Variants in SIK3 observed in about 807,000 individuals in gnomAD.
SIK3 encodes serine/threonine-protein kinase SIK3.
SIK3 carries 28 observed loss-of-function variants against 144.2 expected under a neutral mutation model. That is an observed-to-expected ratio of 0.19 (90% CI 0.14 to 0.27). SIK3 has a LOEUF of 0.27. SIK3 is among the 10% of genes least tolerant of loss of function. The pLI, the probability that SIK3 is intolerant of heterozygous loss-of-function variation, is 1.00. For missense variants in SIK3, 1,319 were observed against 1,776.0 expected (o/e 0.74, Z 4.62); for synonymous variants, 686 against 676.3 (o/e 1.01, Z -0.22).
At chr11:116,920,773 C>G (rs908086299) in intron 4 of SIK3, among the ~76,000 whole-genome samples, 1 of 152,188 alleles carries the variant, frequency 6.6e-6, no homozygotes, top group Non-Finnish European at 1.5e-5. Context: ...GCACCTGCTA[C>G]AGAACAGGCA....
chr11:116,855,108 A>C (rs1271697375), intron 21 of SIK3, among the ~76,000 whole-genome samples: 1 of 135,694 alleles, frequency 7.4e-6, no homozygotes, highest in Non-Finnish European at 1.7e-5. Context: ...AAAAAAAAAA[A>C]ACTTGAGTTT....
At chr11:116,965,281 G>A (rs953542069) in intron 1 of SIK3, among the ~76,000 whole-genome samples, 2 of 152,038 alleles carry the variant, frequency 1.3e-5, no homozygotes, top group Non-Finnish European at 2.9e-5. Flanking sequence ...CAGGCATACT[G>A]ACATGATTGT....
At chr11:116,896,679 G>A (rs867243775) in intron 5 of SIK3, among the ~76,000 whole-genome samples, 1 of 152,190 alleles carries the variant, frequency 6.6e-6, no homozygotes, top group African/African-American at 2.4e-5. Context: ...AAATGCAAAG[G>A]GGAAATTTGA....
At chr11:117,096,018 T>C (rs1463419416) in intron 1 of SIK3, among the ~76,000 whole-genome samples, 1 of 152,102 alleles carries the variant, frequency 6.6e-6, no homozygotes, top group Non-Finnish European at 1.5e-5. Context: ...AATGCTGCAG[T>C]CCTAAAGGAT....
chr11:116,902,673 T>C (rs1039727137), intron 4 of SIK3, among the ~76,000 whole-genome samples: 1 of 152,214 alleles, frequency 6.6e-6, no homozygotes, highest in Non-Finnish European at 1.5e-5. Context: ...TCTCCTATTA[T>C]GCACCAAACA....
chr11:116,847,293 C>G (rs1942051291), intron 23 of SIK3, among the ~76,000 whole-genome samples, 183 bp downstream of exon 23: 2 of 152,216 alleles, frequency 1.3e-5, no homozygotes, highest in South Asian at 4.1e-4. Context: ...AGAAGCCACA[C>G]CTCCTTTACA....
rs567449384 is a variant in SIK3 at position 116,921,621 on chromosome 11, G to A, written c.616+5598C>T. Among the ~76,000 whole-genome samples the A allele has an allele frequency of 7.2e-5, 11 of 151,842 alleles. No homozygotes were observed. The South Asian group carries it at 1.0e-3, about 14-fold the overall frequency. ...TGGCCTCAAGTGATCTTCCCACTTC[G>A]GCTTCACAAAGTGCTGAGATTACGG... On this transcript the variant is annotated intron_variant, in intron 4 of 24. Transcript: ENST00000445177.
intron 1 of SIK3, among the ~76,000 whole-genome samples, chr11:117,084,391 G>C (rs76718997): frequency 1.4e-4 from 22 of 152,046 alleles, no homozygotes; most frequent in South Asian, 2.1e-4. Flanking sequence ...CAGACCTCTC[G>C]AGTAGCTAGG....
chr11:117,093,222 T>C lies in SIK3; in HGVS notation c.273+4921A>G, dbSNP rs181739794. ...ATGAATCTTGTTTTCAGTTTTCTAA[T>C]GGGTGAAAGCATCATCTCATGTGCT... On this transcript the variant is annotated intron_variant, in intron 1 of 24. Transcript: ENST00000445177. Among the ~76,000 whole-genome samples, 24 of 152,358 alleles carry C rather than the reference T, an allele frequency of 1.6e-4. No homozygotes were observed. The East Asian group carries it at 4.1e-3, about 26-fold the overall frequency.
At chr11:117,028,039 G>A (rs192412679) in intron 1 of SIK3, among the ~76,000 whole-genome samples, 2 of 152,202 alleles carry the variant, frequency 1.3e-5, no homozygotes, top group South Asian at 2.1e-4. Context: ...AAAATTTGCA[G>A]AATATTTATT....
intron 19 of SIK3, among the ~76,000 whole-genome samples, chr11:116,860,723 T>C (rs973493223): frequency 6.8e-6 from 1 of 147,704 alleles, no homozygotes; most frequent in African/African-American, 2.7e-5. Flanking sequence ...AGAAGTAATA[T>C]GGTTTGGCTC....
chr11:116,975,838 C>A (rs891793748), intron 1 of SIK3, among the ~76,000 whole-genome samples: 1 of 152,190 alleles, frequency 6.6e-6, no homozygotes. Context: ...ACCAGCAATG[C>A]CAGAAAGTTC....
chr11:116,895,751 A>G (rs913680030), intron 6 of SIK3, among the ~76,000 whole-genome samples: 1 of 152,292 alleles, frequency 6.6e-6, no homozygotes, highest in Admixed American at 6.5e-5. Context: ...ATTCTGGAGG[A>G]CAAAGAGCAC....
chr11:117,097,845 C>A (rs1416060910), intron 1 of SIK3, among the ~76,000 whole-genome samples: 2 of 152,038 alleles, frequency 1.3e-5, no homozygotes, highest in Non-Finnish European at 2.9e-5. Context: ...AGTTCCGACC[C>A]CTTCTTTCCA....
Position 117,013,905 on chromosome 11 carries a change from G to GTGTGTGTGTGTGTGTGTGT in SIK3, c.274-56842_274-56841insACACACACACACACACACA, listed in dbSNP as rs1555127056. Among the ~76,000 whole-genome samples the GTGTGTGTGTGTGTGTGTGT allele has an allele frequency of 5.3e-4, 25 of 47,316 alleles. 2 individuals carry two copies. The highest frequency in any genetic ancestry group is 2.2e-3 in the East Asian group (5 of 2,298). The allele number at this position is 47,316 out of a possible 152,430, so 31.0% of individuals were successfully genotyped here. A position where few individuals can be genotyped will look rare whatever the true frequency, so the allele number is the denominator to read the frequency against. On this transcript the variant is annotated intron_variant, in intron 1 of 24. Coordinates refer to ENST00000445177, the MANE Select transcript of SIK3 (RefSeq NM_001366686.3). ...TATAAGTCTCCAGATTCTGAGGGGG[G>GTGTGTGTGTGTGTGTGTGT]GGGGGGGAGGGTGTGTGTGTGTGTG...
chr11:116,953,382 T>C (rs1009418117), intron 3 of SIK3, among the ~76,000 whole-genome samples: 2 of 152,172 alleles, frequency 1.3e-5, no homozygotes, highest in Admixed American at 6.5e-5. Context: ...TTTGGAAGTT[T>C]ACCCTTTAAC....
At chr11:116,861,235 G>T in intron 19 of SIK3, 39 bp downstream of exon 19, 2 of 1,405,776 alleles carry the variant, frequency 1.4e-6, no homozygotes, top group Non-Finnish European at 2.0e-6. Flanking sequence ...TTCCCATGTG[G>T]CATAAAATGA....
intron 1 of SIK3, among the ~76,000 whole-genome samples, chr11:116,971,264 G>C (rs1244854924): frequency 1.3e-5 from 2 of 152,182 alleles, no homozygotes; most frequent in African/African-American, 2.4e-5. Flanking sequence ...CGGGCAACAA[G>C]TAGGTCAAAT....
At chr11:117,000,055 G>A (rs1950797887) in intron 1 of SIK3, among the ~76,000 whole-genome samples, 1 of 152,094 alleles carries the variant, frequency 6.6e-6, no homozygotes, top group Non-Finnish European at 1.5e-5. Context: ...TGTAAGTAAG[G>A]TAAATATCTA....
Sources: gnomAD v4.1 joint callset for allele counts (sites outside exome capture counted in the v4.1 genomes callset) on GRCh38, gnomAD v4.1.1 for gene constraint, MANE v1.5 for transcripts, NCBI Gene and HGNC (gene_info 2026-07-23, HGNC 2026-07-21) for gene names.